Variants in VARS2 observed in about 807,000 individuals in gnomAD.
VARS2 encodes the protein valine--tRNA ligase, mitochondrial.
In VARS2, 105 loss-of-function variants were observed where a neutral mutation model predicts 154.1. That is an observed-to-expected ratio of 0.68 (90% CI 0.58 to 0.80). VARS2 has a LOEUF of 0.80. Ranked by LOEUF, VARS2 falls within the 30% of genes least tolerant of loss-of-function variation. The pLI, the probability that VARS2 is intolerant of heterozygous loss-of-function variation, is 0.00. For synonymous variants in VARS2, 483 were observed against 539.5 expected (o/e 0.90, Z 1.45); for missense variants, 1,157 against 1,361.4 (o/e 0.85, Z 2.36).
chr6:30,921,690 G>C lies in VARS2; in HGVS notation c.1734G>C (p.Arg578Ser), dbSNP rs770339652. 1.2e-6 allele frequency: 2 copies of C among 1,602,004 alleles called. No homozygotes were observed. The highest frequency in any genetic ancestry group is 2.7e-5 in the African/African-American group (2 of 74,844). ...GRPGAELTLE[R>S]DPDVLDTWFS... ...CAGGGGCAGAGCTGACCCTGGAGAG[G>C]GGTGAGTGCCTGAGCTGGGGAGGGA... is the stretch of plus-strand genomic sequence containing the variant. The change falls in exon 18 of 30, where the codon AGG becomes AGC. Residue 578 changes from arginine to serine, a missense_variant and splice_region_variant. By Grantham distance (110) the Arg-to-Ser change is moderately radical (BLOSUM62 -1). Transcript: ENST00000676266. This position sits in a 1 kb window ranked among gnomAD's most constrained non-coding sequence, Gnocchi z 4.6.
intron 25 of VARS2, chr6:30,924,001 A>C: frequency 2.5e-6 from 1 of 405,272 alleles, no homozygotes; most frequent in Non-Finnish European, 4.5e-6. Flanking sequence ...ATGAATATTC[A>C]TTTCTTGTCC....
chr6:30,923,178 C>T lies in VARS2; in HGVS notation c.2260C>T (p.Arg754Cys), dbSNP rs754862639. Residue 754 changes from arginine to cysteine, a missense_variant, in exon 24 of 30, where the codon CGC (arginine) becomes TGC (cysteine). Arg to Cys is a radical substitution (Grantham distance 180). Coordinates refer to ENST00000676266, the MANE Select transcript of VARS2 (RefSeq NM_020442.6). ...HFCNKIWNAL[R>C]FILNALGEKF... Reference sequence around the variant, plus strand: ...CTGCAACAAGATCTGGAATGCTCTTCGCTTTATCCTCAATGCTTTAGGGGA... The same window carrying T: ...CTGCAACAAGATCTGGAATGCTCTTTGCTTTATCCTCAATGCTTTAGGGGA... 51 of 1,612,986 alleles carry T rather than the reference C, an allele frequency of 3.2e-5. No homozygotes were observed. The highest frequency in any genetic ancestry group is 2.0e-4 in the East Asian group (9 of 44,898).
intron 25 of VARS2, chr6:30,924,018 G>C (rs1582201732): frequency 7.0e-6 from 3 of 427,822 alleles, no homozygotes; most frequent in East Asian, 4.7e-5. Flanking sequence ...GTCCCAAGTG[G>C]TGCTGCTGCT....
At position 30,920,829 on chromosome 6, in the gene VARS2, G is replaced by C; in HGVS notation, c.1479+80G>C. ...AATTGGAATGAAGAAATGGGAAGCA[G>C]GAGACCTCCTGCCCTGAAGACCTCT... On this transcript the variant is annotated intron_variant, in intron 15 of 29. Transcript: ENST00000676266. The surrounding 1 kb of genome is among the most constrained non-coding windows in gnomAD (Gnocchi z 4.6). 1 of 1,305,042 alleles carries C rather than the reference G, an allele frequency of 7.7e-7. No individual in the cohort carries two copies. Among genetic ancestry groups the C allele is most frequent in the African/African-American group, 1.5e-5 (1 of 67,194 alleles). The allele number at this position is 1,305,042 out of a possible 1,614,324, so 80.8% of individuals were successfully genotyped here.
rs780191118 is a variant in VARS2, at chr6:30,920,415, C to T, written c.1376C>T (p.Pro459Leu). ...CTGTTCCGGGGCCTCCAGAACCACC[C>T]CATGGTACTGCCCATCTGCAGGTAA... The part of the protein sequence containing the change: ...WGLFRGLQNH[P>L]MVLPICSRSG... Residue 459 changes from proline to leucine, a missense_variant, in exon 14 of 30, where the codon CCC (proline) becomes CTC (leucine). Pro to Leu is a moderately conservative substitution (Grantham distance 98). Transcript: ENST00000676266. The surrounding 1 kb of genome is among the most constrained non-coding windows in gnomAD (Gnocchi z 4.6). 10 of 1,610,222 alleles carry T rather than the reference C, an allele frequency of 6.2e-6. No homozygotes were observed. The highest frequency in any genetic ancestry group is 2.2e-5 in the East Asian group (1 of 44,882).
chr6:30,918,888 C>G lies in VARS2; in HGVS notation c.1047C>G (p.Ala349=). Residue 349 remains alanine (A), a synonymous_variant, in exon 11 of 30, where the codon GCC becomes GCG. Coordinates refer to ENST00000676266, the MANE Select transcript of VARS2 (RefSeq NM_020442.6). ...CGCTGCCTGGAGATGTGGCTGTGGC[C>G]GTTCATCCAGACGACTCGCGATACA... ...PETLPGDVAV[A]VHPDDSRYTH... The G allele has an allele frequency of 6.2e-7, 1 of 1,612,930 alleles. No individual in the cohort carries two copies. The highest frequency in any genetic ancestry group is 8.5e-7 in the Non-Finnish European group (1 of 1,180,018).
chr6:30,922,803 G>A (rs1284711815), intron 22 of VARS2, 29 bp downstream of exon 22: 2 of 1,594,042 alleles, frequency 1.3e-6, no homozygotes, highest in Admixed American at 1.7e-5. Context: ...CCCCCCACCA[G>A]CTCTAGCTCA....
At position 30,915,748 on chromosome 6, in the gene VARS2, C is replaced by T. The variant is rs750429407; in HGVS notation, c.387C>T (p.Ala129=). 3.3e-5 allele frequency: 53 copies of T among 1,613,244 alleles called. No homozygotes were observed. Among genetic ancestry groups the T allele is most frequent in the Non-Finnish European group, 4.5e-5 (53 of 1,179,994 alleles). The change falls in exon 5 of 30, where the codon GCC becomes GCT. Residue 129 remains alanine (A), a splice_region_variant and synonymous_variant. Transcript: ENST00000676266. ...TTTGACTTTTTTTCTTCCTCTAGGC[C>T]CGGCTGCCCCAAGCTACAGGGGAGA... ...REGFFKPEYQ[A]RLPQATGETF... is the part of the protein sequence containing the mutation.
Position 30,919,268 on chromosome 6 carries a change from G to A in VARS2, c.1074+353G>A. 4.6e-6 allele frequency: 1 copy of A among 219,632 alleles called. No individual in the cohort carries two copies. The highest frequency in any genetic ancestry group is 8.9e-6 in the Non-Finnish European group (1 of 112,300). 13.6% of individuals were successfully genotyped at this position (219,632 alleles called of 1,614,324 possible). A position where few individuals can be genotyped will look rare whatever the true frequency, so the allele number is the denominator to read the frequency against. ...TGAGTAGCTGGGAGCGTGGCACCATGCCCGGCACGTGCCACCACACCCAGC... is the reference window on the plus strand; with the variant it reads ...TGAGTAGCTGGGAGCGTGGCACCATACCCGGCACGTGCCACCACACCCAGC... On this transcript the variant is annotated intron_variant, in intron 11 of 29. Transcript: ENST00000676266. This position sits in a 1 kb window ranked among gnomAD's most constrained non-coding sequence, Gnocchi z 4.5.
rs751488585 is a variant in VARS2, at chr6:30,917,232, G to A, written c.873+8G>A. 1.8e-5 allele frequency: 29 copies of A among 1,614,000 alleles called. No homozygotes were observed. Among genetic ancestry groups the A allele is most frequent in the Middle Eastern group, 1.6e-4 (1 of 6,084 alleles). ...GCCATCTCGGACATTGAGGTGAGGC[G>A]GAGAGAGGGAAGCAGGTTTGTGAGA... On this transcript the variant is annotated splice_region_variant and intron_variant, in intron 9 of 29. Coordinates refer to ENST00000676266, the MANE Select transcript of VARS2 (RefSeq NM_020442.6). The surrounding 1 kb of genome is among the most constrained non-coding windows in gnomAD (Gnocchi z 4.4).
chr6:30,919,688 C>T lies in VARS2; in HGVS notation c.1075-70C>T, dbSNP rs118124843. The T allele has an allele frequency of 0.019, 23,630 of 1,253,590 alleles. 359 individuals are homozygous for T. Among genetic ancestry groups the T allele is most frequent in the East Asian group, 0.062 (2,302 of 37,288 alleles). 77.7% of individuals were successfully genotyped at this position (1,253,590 alleles called of 1,614,324 possible). ...TTTCTACCTTCTTATTCCTGGGGTT[C>T]TCACGCCCCAGCCCAGACCCTTCCA... On this transcript the variant is annotated intron_variant, in intron 11 of 29. Coordinates refer to ENST00000676266, the MANE Select transcript of VARS2 (RefSeq NM_020442.6). This position sits in a 1 kb window ranked among gnomAD's most constrained non-coding sequence, Gnocchi z 4.5.
intron 25 of VARS2, chr6:30,923,980 T>C: frequency 2.7e-6 from 1 of 368,106 alleles, no homozygotes. Flanking sequence ...GGGGTGGGGG[T>C]GGGTGGTGTA....
Position 30,919,984 on chromosome 6 carries a change from A to G in VARS2, c.1166-105A>G, listed in dbSNP as rs897138406. 7.6e-6 allele frequency: 5 copies of G among 657,590 alleles called. No individual in the cohort carries two copies. Among genetic ancestry groups the G allele is most frequent in the Non-Finnish European group, 1.0e-5 (5 of 476,722 alleles). 40.7% of individuals were successfully genotyped at this position (657,590 alleles called of 1,614,324 possible). On this transcript the variant is annotated intron_variant, in intron 12 of 29. Transcript: ENST00000676266. The surrounding 1 kb of genome is among the most constrained non-coding windows in gnomAD (Gnocchi z 4.5). Reference sequence around the variant, plus strand: ...AGTGGGGAATGGGAGGGAGGCACAGACAGAGAAAGTCGCAGGGGCTGGGGC... The same window carrying G: ...AGTGGGGAATGGGAGGGAGGCACAGGCAGAGAAAGTCGCAGGGGCTGGGGC...
chr6:30,921,192 C>T lies in VARS2; in HGVS notation c.1557-38C>T. 6.2e-7 allele frequency: 1 copy of T among 1,613,818 alleles called. No individual in the cohort carries two copies. The highest frequency in any genetic ancestry group is 1.1e-5 in the South Asian group (1 of 91,062). On this transcript the variant is annotated intron_variant, in intron 16 of 29. Coordinates refer to ENST00000676266, the MANE Select transcript of VARS2 (RefSeq NM_020442.6). The surrounding 1 kb of genome is among the most constrained non-coding windows in gnomAD (Gnocchi z 4.6). ...TGTGGAGATGGGGAGGGGGGACTGA[C>T]TGGTTATTCTAAGACTTCACGAATG...
At position 30,920,615 on chromosome 6, in the gene VARS2, G is replaced by T; in HGVS notation, c.1398-53G>T. 1 of 1,456,098 alleles carries T rather than the reference G, an allele frequency of 6.9e-7. No individual in the cohort carries two copies. Among genetic ancestry groups the T allele is most frequent in the Admixed American group, 2.3e-5 (1 of 42,646 alleles). 90.2% of individuals were successfully genotyped at this position (1,456,098 alleles called of 1,614,324 possible). On this transcript the variant is annotated intron_variant, in intron 14 of 29. Transcript: ENST00000676266. This position sits in a 1 kb window ranked among gnomAD's most constrained non-coding sequence, Gnocchi z 4.6. ...GCATGGCATGGGGTCTTGTGCCCCTGGGAGAAGTCACAGGGCCGGAAGAGC... is the reference window on the plus strand; with the variant it reads ...GCATGGCATGGGGTCTTGTGCCCCTTGGAGAAGTCACAGGGCCGGAAGAGC...
In VARS2 at chr6:30,916,957, G is replaced by A; in HGVS notation, c.751G>A (p.Val251Ile). The change falls in exon 8 of 30, where the codon GTT (valine) becomes ATT (isoleucine). Residue 251 changes from valine (V) to isoleucine (I), a missense_variant and splice_region_variant. Coordinates refer to ENST00000676266, the MANE Select transcript of VARS2 (RefSeq NM_020442.6). The surrounding 1 kb of genome is among the most constrained non-coding windows in gnomAD (Gnocchi z 4.0). ...GGATCGAGAGTGTTTTACCATGGAT[G>A]TTGTGAGTGTTCTGTGCCTTGGTCC... ...DWDRECFTMD[V>I]GSSVAVTEAF... 6.2e-7 allele frequency: 1 copy of A among 1,614,234 alleles called. No homozygotes were observed. Among genetic ancestry groups the A allele is most frequent in the Non-Finnish European group, 8.5e-7 (1 of 1,180,048 alleles).
In VARS2 at chr6:30,921,370, C is replaced by G. The variant is rs1465855025; in HGVS notation, c.1632+65C>G. Reference sequence around the variant, plus strand: ...AGAGCACCTAGCCCAGGAGTCAGAGCTCCGCAGGGCCAAGTCCCGCTCCTG... The same window carrying G: ...AGAGCACCTAGCCCAGGAGTCAGAGGTCCGCAGGGCCAAGTCCCGCTCCTG... On this transcript the variant is annotated intron_variant, in intron 17 of 29. Coordinates refer to ENST00000676266, the MANE Select transcript of VARS2 (RefSeq NM_020442.6). This position sits in a 1 kb window ranked among gnomAD's most constrained non-coding sequence, Gnocchi z 4.6. The G allele has an allele frequency of 1.9e-6, 3 of 1,590,762 alleles. No homozygotes were observed. Among genetic ancestry groups the G allele is most frequent in the Admixed American group, 1.7e-5 (1 of 59,588 alleles).
chr6:30,919,759 A>G lies in VARS2; in HGVS notation c.1076A>G (p.His359Arg), dbSNP rs1195496427. Residue 359 changes from histidine to arginine, a missense_variant and splice_region_variant, in exon 12 of 30, where the codon CAT becomes CGT. Coordinates refer to ENST00000676266, the MANE Select transcript of VARS2 (RefSeq NM_020442.6). This position sits in a 1 kb window ranked among gnomAD's most constrained non-coding sequence, Gnocchi z 4.5. ...TTGATCCCTCTCCCTTCCCTTCAGC[A>G]TCTACACGGGCGACAGCTTCGTCAC... The part of the protein sequence containing the change: ...AVHPDDSRYT[H>R]LHGRQLRHPL... The G allele has an allele frequency of 6.4e-7, 1 of 1,572,230 alleles. No individual in the cohort carries two copies. The highest frequency in any genetic ancestry group is 2.3e-5 in the East Asian group (1 of 43,614).
In VARS2 at chr6:30,921,448, C is replaced by A. The variant is rs1264592717; in HGVS notation, c.1633-141C>A. 7.1e-7 allele frequency: 1 copy of A among 1,408,992 alleles called. No homozygotes were observed. The highest frequency in any genetic ancestry group is 2.5e-5 in the East Asian group (1 of 40,752). The allele number at this position is 1,408,992 out of a possible 1,614,324, so 87.3% of individuals were successfully genotyped here. The stretch of plus-strand genomic sequence containing the variant: ...CATGTAACCTTCTGCGCGATCAAGG[C>A]TCCCTGAAGTGGCATTTCTTTATCT... On this transcript the variant is annotated intron_variant, in intron 17 of 29. Coordinates refer to ENST00000676266, the MANE Select transcript of VARS2 (RefSeq NM_020442.6). This position sits in a 1 kb window ranked among gnomAD's most constrained non-coding sequence, Gnocchi z 4.6.
Sources: allele counts gnomAD v4.1 joint callset, GRCh38; gene constraint gnomAD v4.1.1; non-coding constraint Gnocchi (gnomAD v3.1); transcripts MANE v1.5; gene names NCBI Gene and HGNC (gene_info 2026-07-23, HGNC 2026-07-21).